The following KLHL13 variants were observed in gnomAD, a reference collection of about 807,000 sequenced individuals.
The protein encoded by KLHL13 is kelch-like protein 13.
A neutral mutation model predicts 37.1 loss-of-function variants in KLHL13; 10 were observed. The observed-to-expected ratio is 0.27, with a 90% CI of 0.17 to 0.46. The LOEUF is 0.46. Ranked by LOEUF, KLHL13 falls within the 20% of genes least tolerant of loss-of-function variation. The pLI, the probability that KLHL13 is intolerant of heterozygous loss-of-function variation, is 1.00. For missense variants in KLHL13, 360 were observed against 509.3 expected (o/e 0.71, Z 2.82); for synonymous variants, 163 against 181.2 (o/e 0.90, Z 0.81).
rs775977527 is a variant in KLHL13 at position 118,096,865 on chromosome X, A to G, written c.-56+19643T>C. Among the ~76,000 whole-genome samples the G allele has an allele frequency of 7.1e-5, 8 of 111,959 alleles. No individual in the cohort carries two copies. The East Asian group carries it at 2.0e-3, about 27-fold the overall frequency. ...TCAATAGATGCAGAAAAGGCCTTTG[A>G]CAAAATTCAGCAACGCTTCATGCTA... On this transcript the variant is annotated intron_variant, in intron 1 of 6. Transcript: ENST00000371882.
chrX:117,907,242 T>G (rs926436510), intron 5 of KLHL13, among the ~76,000 whole-genome samples: 15 of 110,656 alleles, frequency 1.4e-4, no homozygotes, highest in Admixed American at 1.1e-3. Flanking sequence ...TGAAAGAGAG[T>G]TGGGATAGGT....
intron 1 of KLHL13, chrX:117,947,670 A>C (rs1215463930): frequency 8.9e-6 from 1 of 112,161 alleles, no homozygotes; most frequent in Non-Finnish European, 1.9e-5. Context: ...GCCTGGACTA[A>C]AATTATCTTT....
intron 1 of KLHL13, among the ~76,000 whole-genome samples, chrX:117,960,105 T>A (rs892129728): frequency 9.0e-6 from 1 of 111,052 alleles, no homozygotes; most frequent in Non-Finnish European, 1.9e-5. Context: ...AGGCCAAGTG[T>A]GGTGGCTCAT....
intron 1 of KLHL13, among the ~76,000 whole-genome samples, chrX:118,036,832 A>T (rs1457685324): frequency 1.8e-5 from 2 of 109,771 alleles, no homozygotes; most frequent in Non-Finnish European, 3.8e-5. Flanking sequence ...GAAAATTTTC[A>T]CAACCTACTC....
chrX:117,981,875 T>C (rs1413303597), intron 1 of KLHL13, among the ~76,000 whole-genome samples: 5 of 111,221 alleles, frequency 4.5e-5, no homozygotes, highest in Non-Finnish European at 9.4e-5. Context: ...GACCACACTT[T>C]CACATCTGTC....
chrX:117,976,411 C>T (rs1317211068), upstream of KLHL13, among the ~76,000 whole-genome samples: 1 of 112,003 alleles, frequency 8.9e-6, no homozygotes, highest in East Asian at 2.8e-4. Flanking sequence ...CAGGTAAAAT[C>T]ATCCTAATTA....
intron 5 of KLHL13, among the ~76,000 whole-genome samples, chrX:117,905,932 A>G (rs893579434): frequency 1.8e-5 from 2 of 111,416 alleles, no homozygotes; most frequent in African/African-American, 3.3e-5. Context: ...TTTTGTACCC[A>G]TCAAATTTTT....
chrX:117,902,017 G>A (rs1930127214), intron 5 of KLHL13, 71 bp from the exon 7 acceptor site: 3 of 544,591 alleles, frequency 5.5e-6, no homozygotes, highest in East Asian at 7.3e-5. Flanking sequence ...TTTCTCTTAA[G>A]TGGAACAGTA....
chrX:117,908,099 T>TTATG (rs1556288912), intron 5 of KLHL13, among the ~76,000 whole-genome samples: 30 of 106,797 alleles, frequency 2.8e-4, no homozygotes, highest in African/African-American at 8.8e-4. Flanking sequence ...ATTTATTTAT[T>TTATG]TATTTATTTA....
intron 1 of KLHL13, among the ~76,000 whole-genome samples, chrX:117,965,113 T>C (rs1473976905): frequency 8.9e-6 from 1 of 111,896 alleles, no homozygotes; most frequent in African/African-American, 3.3e-5. Flanking sequence ...AGTAATGGGA[T>C]GGGTGGGTCA....
intron 1 of KLHL13, among the ~76,000 whole-genome samples, chrX:117,962,850 T>G (rs1349503487): frequency 8.9e-6 from 1 of 112,250 alleles, no homozygotes; most frequent in African/African-American, 3.2e-5. Flanking sequence ...TGTGTAACAT[T>G]AAGCAATTAA....
chrX:118,060,543 C>G (rs934552979), intron 1 of KLHL13, among the ~76,000 whole-genome samples: 3 of 110,939 alleles, frequency 2.7e-5, no homozygotes, highest in African/African-American at 9.8e-5. Context: ...GTACCAGACA[C>G]TTTACATTAG....
In KLHL13 at chrX:117,925,200, T is replaced by C. The variant is rs12844858; in HGVS notation, c.241-4830A>G. Among the ~76,000 whole-genome samples the C allele has an allele frequency of 6.9e-3, 777 of 111,922 alleles. 11 individuals are homozygous for C. The highest frequency in any genetic ancestry group is 0.024 in the African/African-American group (736 of 30,967). On this transcript the variant is annotated intron_variant, in intron 2 of 6. Coordinates refer to ENST00000262820, the Ensembl canonical transcript of KLHL13. ...TCAATAGCTTTCAAGTGAAATATAA[T>C]GCTATTGTGAAAAAAAGCTACATTG...
Position 118,043,686 on chromosome X carries a change from A to T in KLHL13, c.-56+72822T>A, listed in dbSNP as rs936355684. 6.3e-5 allele frequency among the ~76,000 whole-genome samples: 7 copies of T among 111,964 alleles called. 1 individual carries two copies. Among genetic ancestry groups the T allele is most frequent in the Non-Finnish European group, 1.9e-5 (1 of 53,119 alleles). On this transcript the variant is annotated intron_variant, in intron 1 of 6. Transcript: ENST00000371882. Reference sequence around the variant, plus strand: ...GAAAAAGTATTTGATAAAATTCAACATCGCTTCATGATAAAAAGAAAACCC... The same window carrying T: ...GAAAAAGTATTTGATAAAATTCAACTTCGCTTCATGATAAAAAGAAAACCC...
intron 1 of KLHL13, among the ~76,000 whole-genome samples, chrX:118,079,063 G>A (rs957858055): frequency 1.8e-5 from 2 of 110,209 alleles, no homozygotes; most frequent in African/African-American, 6.6e-5. Context: ...CAACAAAGAA[G>A]GATAAAATAA....
intron 1 of KLHL13, among the ~76,000 whole-genome samples, chrX:118,019,339 GT>G (rs1474610692): frequency 9.0e-6 from 1 of 110,925 alleles, no homozygotes; most frequent in Non-Finnish European, 1.9e-5. Context: ...TGATGGGGTT[GT>G]TTGTTTTTTT....
chrX:118,037,567 G>A (rs909443980), intron 1 of KLHL13, among the ~76,000 whole-genome samples: 1 of 105,994 alleles, frequency 9.4e-6, no homozygotes, highest in Non-Finnish European at 1.9e-5. Context: ...ACACAGGAAG[G>A]GGAACATCAC....
chrX:118,052,680 AC>A (rs2054630139), intron 1 of KLHL13, among the ~76,000 whole-genome samples: 1 of 109,770 alleles, frequency 9.1e-6, no homozygotes, highest in Non-Finnish European at 1.9e-5. Context: ...AAAACAAAAT[AC>A]AAAAAATTAG....
chrX:117,986,134 G>T (rs566658458), intron 1 of KLHL13, among the ~76,000 whole-genome samples: 1 of 111,540 alleles, frequency 9.0e-6, no homozygotes, highest in Admixed American at 9.6e-5. Context: ...AAGCAGGCAT[G>T]TATTCTGACA....
Sources: allele counts gnomAD v4.1 joint callset (sites outside exome capture counted in the v4.1 genomes callset), GRCh38; gene constraint gnomAD v4.1.1; transcripts MANE v1.5; gene names NCBI Gene and HGNC (gene_info 2026-07-23, HGNC 2026-07-21).